CLDN10: variants seen among roughly 807,000 people sequenced by gnomAD.
CLDN10 encodes claudin 10.
Under a neutral mutation model 22.9 loss-of-function variants are expected in CLDN10, and 15 were observed. The ratio of observed to expected loss-of-function variants is 0.65; its 90% CI spans 0.44 to 1.01. The LOEUF (loss-of-function observed/expected upper bound fraction) is 1.01, where lower values mean the gene tolerates loss of function less well. Ranked by LOEUF, CLDN10 falls within the 50% of genes least tolerant of loss-of-function variation. The pLI is 0.00. For missense variants in CLDN10, 247 were observed against 287.8 expected, an observed-to-expected ratio of 0.86 and a Z score of 1.03; for synonymous variants, 114 against 111.4, an observed-to-expected ratio of 1.02 and a Z score of -0.15.
At chr13:95,562,984 C>T (rs2138663587) in intron 3 of CLDN10, among the ~76,000 whole-genome samples, 1 of 152,248 alleles carries the variant, frequency 6.6e-6, no homozygotes, top group East Asian at 1.9e-4. Context: ...AAACTCAGTT[C>T]AGTAATTAGG....
chr13:95,450,831 C>T lies in CLDN10; in HGVS notation c.214+16784C>T, dbSNP rs577415811. Among the ~76,000 whole-genome samples, 5 of 152,316 alleles carry T rather than the reference C, an allele frequency of 3.3e-5. No homozygotes were observed. The South Asian group carries it at 1.0e-3, about 32-fold the overall frequency. ...ATCAAATAGTAAAAAGAAACATATT[C>T]ACTGTTCTACTTGCTCGAATCAAGG... On this transcript the variant is annotated intron_variant, in intron 1 of 4. Transcript: ENST00000376873.
At chr13:95,526,787 C>CAAATAAAT (rs71113945) in intron 1 of CLDN10, among the ~76,000 whole-genome samples, 54,150 of 149,344 alleles carry the variant, frequency 0.36, 10,852 homozygotes, top group East Asian at 0.54. Context: ...AATTCCATCT[C>CAAATAAAT]AAATAAATAA....
chr13:95,457,275 T>C (rs1284530169), intron 1 of CLDN10, among the ~76,000 whole-genome samples: 1 of 152,108 alleles, frequency 6.6e-6, no homozygotes, highest in Non-Finnish European at 1.5e-5. Flanking sequence ...AAAAAAAAAT[T>C]GTTGAGTTAA....
intron 1 of CLDN10, among the ~76,000 whole-genome samples, chr13:95,500,423 A>G (rs2042973378): frequency 6.6e-6 from 1 of 152,244 alleles, no homozygotes; most frequent in African/African-American, 2.4e-5. Flanking sequence ...CAGAGGGAAC[A>G]GCAAATGCCA....
intron 1 of CLDN10, among the ~76,000 whole-genome samples, chr13:95,513,905 T>A (rs1462772714): frequency 6.6e-6 from 1 of 152,218 alleles, no homozygotes; most frequent in African/African-American, 2.4e-5. Flanking sequence ...AATCATGCAG[T>A]GAAGAGCTGG....
intron 1 of CLDN10, chr13:95,434,120 T>G (rs1259525021): frequency 7.5e-7 from 1 of 1,332,992 alleles, no homozygotes; most frequent in South Asian, 1.2e-5. Context: ...AGTAGCTGTC[T>G]ATGGCTGGCT....
At chr13:95,500,798 A>G (rs1423452615) in intron 1 of CLDN10, among the ~76,000 whole-genome samples, 1 of 152,138 alleles carries the variant, frequency 6.6e-6, no homozygotes, top group Admixed American at 6.5e-5. Flanking sequence ...GAAACCATTA[A>G]AAGTTTTTAA....
chr13:95,473,108 T>C (rs2139104252), intron 1 of CLDN10, among the ~76,000 whole-genome samples: 1 of 142,344 alleles, frequency 7.0e-6, no homozygotes, highest in South Asian at 2.2e-4. Context: ...CCACAGCACT[T>C]CAAGCTGGGT....
intron 1 of CLDN10, among the ~76,000 whole-genome samples, chr13:95,482,695 G>C (rs2042762479): frequency 6.6e-6 from 1 of 152,146 alleles, no homozygotes; most frequent in Non-Finnish European, 1.5e-5. Context: ...TGAATAAACT[G>C]GCTGGGCGCG....
intron 1 of CLDN10, among the ~76,000 whole-genome samples, chr13:95,476,197 G>A (rs1424994775): frequency 6.6e-6 from 1 of 152,220 alleles, no homozygotes; most frequent in Admixed American, 6.5e-5. Flanking sequence ...TTAGACGTGT[G>A]TGGAGCTCAA....
upstream of CLDN10, among the ~76,000 whole-genome samples, chr13:95,551,163 G>A (rs1183406825): frequency 1.3e-5 from 2 of 152,064 alleles, no homozygotes; most frequent in Middle Eastern, 3.2e-3. Flanking sequence ...GCCGCTGCAC[G>A]GCTGCAACAA....
At chr13:95,451,009 C>T (rs2042427372) in intron 1 of CLDN10, among the ~76,000 whole-genome samples, 1 of 152,172 alleles carries the variant, frequency 6.6e-6, no homozygotes, top group Non-Finnish European at 1.5e-5. Context: ...TACCCATGCC[C>T]GTTTTGCAGG....
intron 1 of CLDN10, among the ~76,000 whole-genome samples, chr13:95,527,849 A>G (rs2043300900): frequency 6.6e-6 from 1 of 152,190 alleles, no homozygotes; most frequent in Non-Finnish European, 1.5e-5. Flanking sequence ...TGTGTCAGCT[A>G]TAGCCATTCA....
chr13:95,568,038 T>C, intron 3 of CLDN10, among the ~76,000 whole-genome samples: 1 of 152,252 alleles, frequency 6.6e-6, no homozygotes, highest in South Asian at 2.1e-4. Context: ...ATACAGATTT[T>C]CCTGGGTGAG....
At chr13:95,545,695 A>C (rs2043501288) in intron 1 of CLDN10, among the ~76,000 whole-genome samples, 1 of 152,180 alleles carries the variant, frequency 6.6e-6, no homozygotes, top group South Asian at 2.1e-4. Flanking sequence ...AATATTTTTT[A>C]TGGCTATTTA....
At chr13:95,528,044 C>A (rs1245565764) in intron 1 of CLDN10, among the ~76,000 whole-genome samples, 2 of 152,158 alleles carry the variant, frequency 1.3e-5, no homozygotes, top group African/African-American at 4.8e-5. Flanking sequence ...TGTTTCTAGG[C>A]TTTGTTCAAA....
intron 1 of CLDN10, among the ~76,000 whole-genome samples, chr13:95,485,784 C>A (rs1426153166): frequency 5.3e-5 from 8 of 152,188 alleles, no homozygotes; most frequent in Admixed American, 5.2e-4. Context: ...TCAAATGTAA[C>A]CTCCTCTGGG....
chr13:95,484,865 CAAAA>C (rs746231195), intron 1 of CLDN10, among the ~76,000 whole-genome samples: 1,458 of 93,624 alleles, frequency 0.016, 20 homozygotes, highest in African/African-American at 0.031. Context: ...GACCCTGTCT[CAAAA>C]AAAAAAAAAA....
At chr13:95,517,963 G>A (rs2043188029) in intron 1 of CLDN10, among the ~76,000 whole-genome samples, 1 of 145,932 alleles carries the variant, frequency 6.9e-6, no homozygotes, top group African/African-American at 2.5e-5. Context: ...AAGAGAGATT[G>A]AGCATATGTT....
Sources: gnomAD v4.1 joint callset for allele counts (sites outside exome capture counted in the v4.1 genomes callset) on GRCh38, gnomAD v4.1.1 for gene constraint, MANE v1.5 for transcripts, NCBI Gene and HGNC (gene_info 2026-07-23, HGNC 2026-07-21) for gene names.